The following KHDRBS2 variants were observed in gnomAD, a reference collection of about 807,000 sequenced individuals.
KHDRBS2 encodes KH domain-containing, RNA-binding, signal transduction-associated protein 2.
KHDRBS2 carries 26 observed loss-of-function variants against 44.3 expected under a neutral mutation model. The observed-to-expected ratio is 0.59, with a 90% CI of 0.43 to 0.81. The LOEUF (loss-of-function observed/expected upper bound fraction) is 0.81. Ranked by LOEUF, KHDRBS2 falls within the 40% of genes least tolerant of loss-of-function variation. KHDRBS2 has a pLI of 0.00. For missense variants in KHDRBS2, 476 were observed against 433.1 expected, an observed-to-expected ratio of 1.10 and a Z score of -0.88; for synonymous variants, 194 against 151.1, an observed-to-expected ratio of 1.28 and a Z score of -2.08.
chr6:61,993,673 A>AT (rs200474893), intron 3 of KHDRBS2, among the ~76,000 whole-genome samples: 50 of 115,682 alleles, frequency 4.3e-4, no homozygotes, highest in East Asian at 1.1e-3. Context: ...ATATATATAT[A>AT]TTTTTTTTTT....
At chr6:62,049,782 A>T (rs1031934430) in intron 2 of KHDRBS2, among the ~76,000 whole-genome samples, 1 of 152,082 alleles carries the variant, frequency 6.6e-6, no homozygotes, top group African/African-American at 2.4e-5. Flanking sequence ...TTAAAAAGTC[A>T]GGAAACAACA....
chr6:61,631,481 AAT>A, the KHDRBS2 span, among the ~76,000 whole-genome samples: 1 of 152,048 alleles, frequency 6.6e-6, no homozygotes. Flanking sequence ...CTAAATATCA[AAT>A]ATGTCTTTGT....
At chr6:62,246,105 TATATATA>T (rs1835511923) in intron 1 of KHDRBS2, among the ~76,000 whole-genome samples, 1 of 27,368 alleles carries the variant, frequency 3.7e-5, no homozygotes, top group African/African-American at 1.4e-4. Flanking sequence ...ATCAATTTTA[TATATATA>T]TATATATATA....
At chr6:61,756,926 T>G (rs1307866367) in intron 6 of KHDRBS2, among the ~76,000 whole-genome samples, 1 of 152,200 alleles carries the variant, frequency 6.6e-6, no homozygotes, top group African/African-American at 2.4e-5. Flanking sequence ...TACTACAGAT[T>G]AGTTTGATTT....
At chr6:61,689,479 T>A (rs1187170831) in intron 8 of KHDRBS2, among the ~76,000 whole-genome samples, 1 of 151,914 alleles carries the variant, frequency 6.6e-6, no homozygotes, top group Non-Finnish European at 1.5e-5. Context: ...AACTGTGCCC[T>A]TAGTTTGTGA....
chr6:61,610,115 G>A, the KHDRBS2 span, among the ~76,000 whole-genome samples: 1 of 152,026 alleles, frequency 6.6e-6, no homozygotes, highest in East Asian at 1.9e-4. Flanking sequence ...GGTGGAGCTT[G>A]CAGTGAGCCA....
chr6:61,695,734 G>C (rs1561979767), intron 8 of KHDRBS2, among the ~76,000 whole-genome samples: 1 of 152,062 alleles, frequency 6.6e-6, no homozygotes, highest in Non-Finnish European at 1.5e-5. Flanking sequence ...TCAGCCCATG[G>C]TTAGCAATAA....
intron 1 of KHDRBS2, among the ~76,000 whole-genome samples, chr6:62,264,814 G>A (rs1482620716): frequency 6.6e-6 from 1 of 151,218 alleles, no homozygotes; most frequent in Non-Finnish European, 1.5e-5. Flanking sequence ...GCTTATTATA[G>A]TCATTGAATC....
At chr6:61,591,485 A>G in the KHDRBS2 span, among the ~76,000 whole-genome samples, 1 of 152,186 alleles carries the variant, frequency 6.6e-6, no homozygotes, top group African/African-American at 2.4e-5. Flanking sequence ...AGGTAGTGAT[A>G]TTTCCTGTTG....
intron 6 of KHDRBS2, among the ~76,000 whole-genome samples, chr6:61,792,425 ACTTTT>A (rs1784757756): frequency 1.3e-5 from 2 of 151,512 alleles, no homozygotes; most frequent in African/African-American, 4.8e-5. Flanking sequence ...ACTTGATATC[ACTTTT>A]CTTTTACATC....
chr6:62,261,335 G>T (rs1838305728), intron 1 of KHDRBS2, among the ~76,000 whole-genome samples: 1 of 151,812 alleles, frequency 6.6e-6, no homozygotes, highest in Non-Finnish European at 1.5e-5. Flanking sequence ...TGCACTGGAA[G>T]ATTATAATTA....
chr6:62,076,936 C>T (rs1209271750), intron 2 of KHDRBS2, among the ~76,000 whole-genome samples: 1 of 151,864 alleles, frequency 6.6e-6, no homozygotes, highest in Non-Finnish European at 1.5e-5. Flanking sequence ...GTCCTAGCTA[C>T]TCAGGAGGCT....
At chr6:61,790,936 C>A (rs1784545152) in intron 6 of KHDRBS2, among the ~76,000 whole-genome samples, 1 of 151,476 alleles carries the variant, frequency 6.6e-6, no homozygotes, top group African/African-American at 2.4e-5. Flanking sequence ...TTTGCAACAT[C>A]TCTTTAACAG....
chr6:62,036,343 A>G (rs918423281), intron 3 of KHDRBS2, among the ~76,000 whole-genome samples: 1 of 152,020 alleles, frequency 6.6e-6, no homozygotes, highest in Non-Finnish European at 1.5e-5. Context: ...TAATTTTACA[A>G]TATTTAAAGT....
In KHDRBS2 at chr6:61,885,204, A is replaced by G. The variant is rs1275123434; in HGVS notation, c.810+9431T>C. Among the ~76,000 whole-genome samples, 5 of 152,096 alleles carry G rather than the reference A, an allele frequency of 3.3e-5. 1 individual carries two copies. The highest frequency in any genetic ancestry group is 2.6e-4 in the Admixed American group (4 of 15,242). The stretch of plus-strand genomic sequence containing the variant: ...GATTTTGATAATATTTTCTATAGAC[A>G]GGAAACAAAATTAAGGATTTTTCTG... On this transcript the variant is annotated intron_variant, in intron 6 of 8. Coordinates refer to ENST00000281156, the MANE Select transcript of KHDRBS2 (RefSeq NM_152688.4).
At chr6:61,721,177 T>C (rs1462373750) in intron 7 of KHDRBS2, among the ~76,000 whole-genome samples, 2 of 152,176 alleles carry the variant, frequency 1.3e-5, no homozygotes, top group Non-Finnish European at 2.9e-5. Flanking sequence ...TTTTGGTTAC[T>C]GTAGCCTTGT....
intron 2 of KHDRBS2, among the ~76,000 whole-genome samples, chr6:62,148,888 G>A (rs1814496486): frequency 6.6e-6 from 1 of 152,054 alleles, no homozygotes; most frequent in African/African-American, 2.4e-5. Flanking sequence ...CTAGGTGAAT[G>A]CATAAGTAAC....
In KHDRBS2 at chr6:61,954,879, T is replaced by TGC. The variant is rs1562514236; in HGVS notation, c.483+23186_483+23187insGC. Reference sequence around the variant, plus strand: ...GTGTATATACACATACATATGTGTATATATGTATATATACACATACATATG... The same window carrying TGC: ...GTGTATATACACATACATATGTGTATGCATATGTATATATACACATACATATG... On this transcript the variant is annotated intron_variant, in intron 4 of 8. Transcript: ENST00000281156. Among the ~76,000 whole-genome samples the TGC allele has an allele frequency of 2.9e-4, 42 of 144,404 alleles. 3 individuals are homozygous for TGC. Among genetic ancestry groups the TGC allele is most frequent in the African/African-American group, 1.0e-3 (42 of 40,054 alleles). 94.7% of individuals were successfully genotyped at this position (144,404 alleles called of 152,430 possible).
intron 2 of KHDRBS2, among the ~76,000 whole-genome samples, chr6:62,099,745 A>G (rs775226711): frequency 3.7e-4 from 56 of 152,270 alleles, no homozygotes; most frequent in Non-Finnish European, 6.5e-4. Context: ...GGTACATCCA[A>G]GGACCACATG....
Sources: gnomAD v4.1 joint callset for allele counts (sites outside exome capture counted in the v4.1 genomes callset) on GRCh38, gnomAD v4.1.1 for gene constraint, MANE v1.5 for transcripts, NCBI Gene and HGNC (gene_info 2026-07-23, HGNC 2026-07-21) for gene names.